The following RP1 variants were observed in gnomAD, a reference collection of about 807,000 sequenced individuals.
RP1 encodes RP1 axonemal microtubule associated.
In RP1, 16 loss-of-function variants were observed where a neutral mutation model predicts 14.8. That is an observed-to-expected ratio of 1.08 (90% CI 0.73 to 1.65). RP1 has a LOEUF of 1.65. RP1 is among the 40% of genes most tolerant of loss of function. The pLI is 0.00. For missense variants in RP1, 2,631 were observed against 2,535.0 expected (o/e 1.04, Z -0.81); for synonymous variants, 876 against 883.6 (o/e 0.99, Z 0.15).
chr8:54,752,316 A>G (rs1055503230), intron 19 of RP1, among the ~76,000 whole-genome samples: 2 of 152,186 alleles, frequency 1.3e-5, no homozygotes, highest in Non-Finnish European at 2.9e-5. Context: ...GTTTTACCCT[A>G]TGTTTGGTCA....
Position 54,764,565 on chromosome 8 carries a change from G to T in RP1, c.3249-5176G>T, listed in dbSNP as rs75342071. The stretch of plus-strand genomic sequence containing the variant: ...CATTAAGTTATATGTGTGTGTTTAT[G>T]TGTCTGTCCTACTCCTCTAGTTCAG... On this transcript the variant is annotated intron_variant, in intron 22 of 22. Coordinates refer to the RP1 transcript ENST00000636932. Among the ~76,000 whole-genome samples, 892 of 152,318 alleles carry T rather than the reference G, an allele frequency of 5.9e-3. 6 individuals are homozygous for T. Among genetic ancestry groups the T allele is most frequent in the African/African-American group, 0.018 (763 of 41,574 alleles).
intron 6 of RP1, among the ~76,000 whole-genome samples, chr8:54,657,205 C>T (rs1806773946): frequency 6.6e-6 from 1 of 152,116 alleles, no homozygotes; most frequent in Non-Finnish European, 1.5e-5. Context: ...CCTCATCAGC[C>T]CACACGTTTC....
rs1805856546 is a variant in RP1, at chr8:54,621,258, C to G, written c.292C>G (p.Leu98Val). Residue 98 changes from leucine (L) to valine (V), a missense_variant, in exon 2 of 4, where the codon CTG (leucine) becomes GTG (valine). Coordinates refer to ENST00000220676, the MANE Select transcript of RP1 (RefSeq NM_006269.2). ...GCACAGCATCACGCGCCTGGAGGAG[C>G]TGGAGGACGGCGAGTCCTACCTATG... is the stretch of plus-strand genomic sequence containing the variant. ...GRHSITRLEE[L>V]EDGESYLCSH... is the part of the protein sequence containing the mutation. 1.2e-6 allele frequency: 2 copies of G among 1,614,136 alleles called. No homozygotes were observed. Among genetic ancestry groups the G allele is most frequent in the Non-Finnish European group, 1.7e-6 (2 of 1,180,044 alleles).
chr8:54,712,141 C>T lies in RP1; in HGVS notation c.2211+5486C>T, dbSNP rs149033663. Among the ~76,000 whole-genome samples, 773 of 152,158 alleles carry T rather than the reference C, an allele frequency of 5.1e-3. 9 individuals carry two copies. Among genetic ancestry groups the T allele is most frequent in the African/African-American group, 0.018 (739 of 41,518 alleles). ...AGGGAAGGTCAGAGAGGTGACCTTT[C>T]CAGGTTTTGTGGGCTGGTTCCTGGG... On this transcript the variant is annotated intron_variant, in intron 15 of 22. Coordinates refer to the RP1 transcript ENST00000636932.
At chr8:54,794,029 A>G (rs566776605) in intron 24 of RP1, among the ~76,000 whole-genome samples, 1 of 152,084 alleles carries the variant, frequency 6.6e-6, no homozygotes, top group East Asian at 1.9e-4. Flanking sequence ...TCTACACTTA[A>G]AAAAATAAGT....
rs1365896237 is a variant in RP1, at chr8:54,625,131, G to T, written c.1249G>T (p.Ala417Ser). The T allele has an allele frequency of 1.2e-6, 2 of 1,614,156 alleles. No homozygotes were observed. Among genetic ancestry groups the T allele is most frequent in the East Asian group, 4.5e-5 (2 of 44,870 alleles). ...EINIQMTDQV[A>S]ETCSSASWEN... ...AAACATTCAAATGACAGATCAAGTG[G>T]CTGAAACTTGCAGTTCTGCTAGTTG... Residue 417 changes from alanine (A) to serine (S), a missense_variant, in exon 4 of 4, where the codon GCT becomes TCT. Ala to Ser is a moderately conservative substitution (Grantham distance 99, BLOSUM62 1). Transcript: ENST00000220676.
At chr8:54,561,779 T>C (rs1415891014) in intron 1 of RP1, 1 of 152,232 alleles carries the variant, frequency 6.6e-6, no homozygotes, top group Admixed American at 6.5e-5. Flanking sequence ...TGCTGGAACA[T>C]TCTATGGATA....
chr8:54,793,711 G>T (rs77825368), intron 24 of RP1, among the ~76,000 whole-genome samples: 4,246 of 151,922 alleles, frequency 0.028, 184 homozygotes, highest in African/African-American at 0.096. Context: ...TAAACCCACA[G>T]CAAACATTAT....
intron 21 of RP1, chr8:54,755,870 T>C (rs746370419): frequency 2.6e-6 from 3 of 1,139,892 alleles, no homozygotes; most frequent in South Asian, 2.0e-5. Context: ...CTTCAAATTG[T>C]AGTTTTAAGA....
intron 15 of RP1, among the ~76,000 whole-genome samples, chr8:54,711,395 G>T (rs1808291195): frequency 6.6e-6 from 1 of 152,130 alleles, no homozygotes. Context: ...TAAAAGATTT[G>T]AAATTTTACA....
chr8:54,778,255 A>G (rs1810091312), intron 23 of RP1, among the ~76,000 whole-genome samples: 1 of 151,436 alleles, frequency 6.6e-6, no homozygotes, highest in Non-Finnish European at 1.5e-5. Flanking sequence ...AGGGTCCAGT[A>G]TAGGCATGAG....
intron 13 of RP1, among the ~76,000 whole-genome samples, chr8:54,700,405 G>GAA (rs969010191): frequency 6.7e-6 from 1 of 148,916 alleles, no homozygotes; most frequent in South Asian, 2.1e-4. Flanking sequence ...AATACTTATT[G>GAA]AAAAAAAAAC....
intron 24 of RP1, among the ~76,000 whole-genome samples, chr8:54,825,090 C>G (rs922753650): frequency 6.6e-6 from 1 of 152,090 alleles, no homozygotes; most frequent in African/African-American, 2.4e-5. Flanking sequence ...CTGCCTCAGC[C>G]TCCCGAGTAG....
intron 12 of RP1, among the ~76,000 whole-genome samples, chr8:54,688,655 C>T (rs894858579): frequency 1.3e-5 from 2 of 152,158 alleles, no homozygotes; most frequent in Non-Finnish European, 2.9e-5. Flanking sequence ...GGCCTCTGCT[C>T]TGTTCCACTG....
intron 24 of RP1, among the ~76,000 whole-genome samples, chr8:54,809,962 C>G (rs143207541): frequency 2.9e-3 from 434 of 152,268 alleles, no homozygotes; most frequent in Non-Finnish European, 4.8e-3. Context: ...AAAAGCTCAT[C>G]TGAAAGTGAA....
intron 3 of RP1, among the ~76,000 whole-genome samples, chr8:54,642,648 T>A (rs902359019): frequency 3.3e-5 from 5 of 152,188 alleles, no homozygotes; most frequent in African/African-American, 1.2e-4. Context: ...AAATATTTGC[T>A]ACTTAGATAA....
At chr8:54,680,069 A>C (rs2129335384) in intron 12 of RP1, 1 of 1,153,862 alleles carries the variant, frequency 8.7e-7, no homozygotes, top group East Asian at 2.7e-5. Context: ...CATTTAAATA[A>C]TTTACTATCT....
chr8:54,821,969 C>G (rs892568428), intron 24 of RP1, among the ~76,000 whole-genome samples: 1 of 152,126 alleles, frequency 6.6e-6, no homozygotes, highest in African/African-American at 2.4e-5. Flanking sequence ...GACAGAAGAG[C>G]AAACTTAACA....
intron 25 of RP1, among the ~76,000 whole-genome samples, chr8:54,840,618 G>A (rs1350881666): frequency 9.9e-6 from 1 of 101,378 alleles, no homozygotes; most frequent in African/African-American, 4.1e-5. Flanking sequence ...GTGGAAGGCA[G>A]TTGTGTTTTT....
Sources: gnomAD v4.1 joint callset for allele counts (sites outside exome capture counted in the v4.1 genomes callset) on GRCh38, gnomAD v4.1.1 for gene constraint, MANE v1.5 for transcripts, NCBI Gene and HGNC (gene_info 2026-07-23, HGNC 2026-07-21) for gene names.